Variants in WDR91 observed in about 807,000 individuals in gnomAD.
WDR91 encodes WD repeat domain 91.
In WDR91, 52 loss-of-function variants were observed where a neutral mutation model predicts 88.4. The observed-to-expected ratio is 0.59, with a 90% confidence interval of 0.47 to 0.74. The LOEUF is 0.74. WDR91 is among the 30% of genes least tolerant of loss of function. WDR91 has a pLI of 0.00. For synonymous variants in WDR91, 362 were observed against 389.5 expected, an observed-to-expected ratio of 0.93 and a Z score of 0.83; for missense variants, 824 against 954.5, an observed-to-expected ratio of 0.86 and a Z score of 1.80.
rs142817749 is a variant in WDR91 at position 135,190,241 on chromosome 7, G to A, written c.1660-789C>T. On this transcript the variant is annotated intron_variant, in intron 11 of 14. Transcript: ENST00000354475. Reference sequence around the variant, plus strand: ...GCCCAAGGTCAGGCGATAAGAAACCGTCACATGGAGCTGAGACTCCAAAGA... The same window carrying A: ...GCCCAAGGTCAGGCGATAAGAAACCATCACATGGAGCTGAGACTCCAAAGA... 3.6e-3 allele frequency among the ~76,000 whole-genome samples: 544 copies of A among 152,244 alleles called. 2 individuals are homozygous for A. Among genetic ancestry groups the A allele is most frequent in the African/African-American group, 0.012 (500 of 41,534 alleles).
rs1831375979 is a variant in WDR91, at chr7:135,196,404, G to A, written c.1051-67C>T. 7.1e-7 allele frequency: 1 copy of A among 1,413,166 alleles called. No homozygotes were observed. The highest frequency in any genetic ancestry group is 9.4e-7 in the Non-Finnish European group (1 of 1,069,096). 87.5% of individuals were successfully genotyped at this position (1,413,166 alleles called of 1,614,324 possible). On this transcript the variant is annotated intron_variant, in intron 7 of 14. Transcript: ENST00000354475. The surrounding 1 kb of genome is among the most constrained non-coding windows in gnomAD (Gnocchi z 4.2). ...CCCCCACACCAGGGTGTACACCGCA[G>A]GGGGTCTAGGCCTAGGCTGCAGCAT...
chr7:135,202,985 T>C (rs1831626906), intron 6 of WDR91, among the ~76,000 whole-genome samples: 1 of 152,216 alleles, frequency 6.6e-6, no homozygotes, highest in Non-Finnish European at 1.5e-5. Flanking sequence ...CAACTTCTAC[T>C]ACCAACATTT....
intron 3 of WDR91, 140 bp downstream of exon 3, chr7:135,208,651 C>A: frequency 1.5e-6 from 1 of 666,232 alleles, no homozygotes. Context: ...ACAATTTGTC[C>A]AGCCCCCTCA....
chr7:135,204,133 A>C lies in WDR91; in HGVS notation c.891+135T>G, dbSNP rs1417549613. ...GAAAGGGAATGAGATTTCAATTCAG[A>C]ATCTCATCAACATGCCCAAGAAATC... On this transcript the variant is annotated intron_variant, in intron 6 of 14. Coordinates refer to ENST00000354475, the MANE Select transcript of WDR91 (RefSeq NM_014149.4). 4 of 993,852 alleles carry C rather than the reference A, an allele frequency of 4.0e-6. No individual in the cohort carries two copies. The South Asian group carries it at 7.6e-5, about 19-fold the overall frequency. The allele number at this position is 993,852 out of a possible 1,614,324, so 61.6% of individuals were successfully genotyped here.
chr7:135,193,744 G>T, intron 9 of WDR91, 72 bp from the exon 10 acceptor site: 2 of 1,381,790 alleles, frequency 1.4e-6, no homozygotes, highest in South Asian at 1.2e-5. Flanking sequence ...ATCTCCAGAG[G>T]GGGTGAGGCT....
At chr7:135,188,350 G>A in intron 13 of WDR91, 83 bp downstream of exon 13, 1 of 1,118,884 alleles carries the variant, frequency 8.9e-7, no homozygotes, top group Non-Finnish European at 1.4e-6. Flanking sequence ...AGGTTGCAGA[G>A]CTAGTAACAG....
At position 135,204,415 on chromosome 7, in the gene WDR91, T is replaced by C; in HGVS notation, c.744A>G (p.Gln248=). ...GTGACTGGGAGAGGGAGGCATTCCTTTGGCTGCACACCATGGCACTGGTCA... is the reference window on the plus strand; with the variant it reads ...GTGACTGGGAGAGGGAGGCATTCCTCTGGCTGCACACCATGGCACTGGTCA... ...GDSELAMVCS[Q]RNASLSQSPR... is the part of the protein sequence containing the mutation. Residue 248 remains glutamine, a synonymous_variant, in exon 6 of 15, where the codon CAA becomes CAG. Transcript: ENST00000354475. 6.2e-7 allele frequency: 1 copy of C among 1,614,154 alleles called. No individual in the cohort carries two copies. The highest frequency in any genetic ancestry group is 8.5e-7 in the Non-Finnish European group (1 of 1,180,020).
At chr7:135,205,132 TG>T (rs5887723) in intron 5 of WDR91, among the ~76,000 whole-genome samples, 103,297 of 151,952 alleles carry the variant, frequency 0.68, 35,813 homozygotes, top group Admixed American at 0.79. Flanking sequence ...TATCACCAGC[TG>T]GGGCTTCTGC....
chr7:135,188,153 G>C (rs1209439775), intron 13 of WDR91, among the ~76,000 whole-genome samples: 2 of 152,142 alleles, frequency 1.3e-5, no homozygotes, highest in African/African-American at 2.4e-5. Flanking sequence ...ACCAAGCCCA[G>C]CAAAGCAAAC....
chr7:135,192,762 A>G (rs761551475), intron 11 of WDR91, among the ~76,000 whole-genome samples: 14 of 152,182 alleles, frequency 9.2e-5, no homozygotes, highest in Non-Finnish European at 1.6e-4. Flanking sequence ...GCATCATTCA[A>G]TCTCTCTGGG....
In WDR91 at chr7:135,184,655, A is replaced by T. The variant is rs1451666132; in HGVS notation, c.*1496T>A. On this transcript the variant is annotated 3_prime_UTR_variant, in exon 15 of 15. Coordinates refer to ENST00000354475, the MANE Select transcript of WDR91 (RefSeq NM_014149.4). ...GTGTGGACACAGCTGGTTGACACTC[A>T]GCTCAGCTACAGATCGGCTCAGCCA... 1 of 151,966 alleles carries T rather than the reference A, an allele frequency of 6.6e-6. No homozygotes were observed. The highest frequency in any genetic ancestry group is 1.5e-5 in the Non-Finnish European group (1 of 67,826). 9.4% of individuals were successfully genotyped at this position (151,966 alleles called of 1,614,324 possible). A position where few individuals can be genotyped will look rare whatever the true frequency, so the allele number is the denominator to read the frequency against.
chr7:135,201,349 T>G (rs1831562081), intron 6 of WDR91: 1 of 68,828 alleles, frequency 1.5e-5, no homozygotes, highest in Non-Finnish European at 3.1e-5. Context: ...CGCAGTTATT[T>G]CCACTAAAAA....
Position 135,186,992 on chromosome 7 carries a change from T to C in WDR91, c.2059A>G (p.Thr687Ala). The C allele has an allele frequency of 1.2e-6, 2 of 1,614,000 alleles. No homozygotes were observed. Among genetic ancestry groups the C allele is most frequent in the Non-Finnish European group, 1.7e-6 (2 of 1,180,036 alleles). The change falls in exon 14 of 15, where the codon ACA becomes GCA. Residue 687 changes from threonine to alanine, a missense_variant. Coordinates refer to ENST00000354475, the MANE Select transcript of WDR91 (RefSeq NM_014149.4). ...EGNYMLTCSA[T>A]GGVIYKLGGD... is the part of the protein sequence containing the mutation. ...GTTACCTTGTAGATGACGCCGCCTGTGGCAGAACATGTCAGCATGTAATTT... is the reference window on the plus strand; with the variant it reads ...GTTACCTTGTAGATGACGCCGCCTGCGGCAGAACATGTCAGCATGTAATTT...
intron 11 of WDR91, among the ~76,000 whole-genome samples, chr7:135,192,198 GC>G (rs1362313382): frequency 6.8e-6 from 1 of 146,954 alleles, no homozygotes; most frequent in African/African-American, 2.5e-5. Context: ...GCTCACTGCA[GC>G]CTCCACCTCC....
Position 135,186,005 on chromosome 7 carries a change from AGC to A in WDR91, c.*144_*145del. Reference sequence around the variant, plus strand: ...TCCCATTCCAGTCACCACAGATGGAAGCACCTGAGCCTCCTTGCCAGTCTTTC... The same window carrying A: ...TCCCATTCCAGTCACCACAGATGGAAACCTGAGCCTCCTTGCCAGTCTTTC... On this transcript the variant is annotated 3_prime_UTR_variant, in exon 15 of 15. Coordinates refer to ENST00000354475, the MANE Select transcript of WDR91 (RefSeq NM_014149.4). 2 of 916,562 alleles carry A rather than the reference AGC, an allele frequency of 2.2e-6. No homozygotes were observed. 56.8% of individuals were successfully genotyped at this position (916,562 alleles called of 1,614,324 possible).
At chr7:135,192,889 T>C (rs1831221284) in intron 11 of WDR91, among the ~76,000 whole-genome samples, 1 of 152,190 alleles carries the variant, frequency 6.6e-6, no homozygotes, top group African/African-American at 2.4e-5. Flanking sequence ...ACCTCGCTTC[T>C]TACGAATCTG....
intron 1 of WDR91, among the ~76,000 whole-genome samples, chr7:135,210,053 T>G (rs1238455303): frequency 6.6e-6 from 1 of 152,214 alleles, no homozygotes; most frequent in Admixed American, 6.5e-5. Context: ...CTTGATCAAT[T>G]TGGCAGTGTC....
chr7:135,194,101 G>A (rs1025425028), intron 9 of WDR91, among the ~76,000 whole-genome samples: 3 of 152,104 alleles, frequency 2.0e-5, no homozygotes, highest in African/African-American at 7.2e-5. Flanking sequence ...CTTTTCAGGG[G>A]ACAGCTCTGG....
In WDR91 at chr7:135,211,510, C is replaced by G. The variant is rs375566113; in HGVS notation, c.-8G>C. On this transcript the variant is annotated 5_prime_UTR_variant, in exon 1 of 15. Transcript: ENST00000354475. ...CTCCACGGCCTCCGCCATCGCAGCGCTAGCGTCTTTAGGGGTGGTGCGGTG... is the reference window on the plus strand; with the variant it reads ...CTCCACGGCCTCCGCCATCGCAGCGGTAGCGTCTTTAGGGGTGGTGCGGTG... 2.5e-6 allele frequency: 4 copies of G among 1,609,136 alleles called. No individual in the cohort carries two copies. Among genetic ancestry groups the G allele is most frequent in the African/African-American group, 2.7e-5 (2 of 72,874 alleles).
Sources: allele counts gnomAD v4.1 joint callset (sites outside exome capture counted in the v4.1 genomes callset), GRCh38; gene constraint gnomAD v4.1.1; non-coding constraint Gnocchi (gnomAD v3.1); transcripts MANE v1.5; gene names NCBI Gene and HGNC (gene_info 2026-07-23, HGNC 2026-07-21).